PIGN: variants seen among roughly 807,000 people sequenced by gnomAD.
PIGN encodes the protein phosphatidylinositol glycan anchor biosynthesis class N.
Under a neutral mutation model 125.4 loss-of-function variants are expected in PIGN, and 117 were observed. The ratio of observed to expected loss-of-function variants is 0.93; its 90% confidence interval spans 0.80 to 1.09. The LOEUF (loss-of-function observed/expected upper bound fraction) is 1.09, where lower values mean the gene tolerates loss of function less well. Among genes scored for constraint, PIGN ranks in the 50% least tolerant of loss-of-function variants. PIGN has a pLI of 0.00. For missense variants in PIGN, 1,075 were observed against 1,094.9 expected, an observed-to-expected ratio of 0.98 and a Z score of 0.26; for synonymous variants, 392 against 377.8, an observed-to-expected ratio of 1.04 and a Z score of -0.44.
intron 7 of PIGN, chr18:62,154,123 T>C (rs1360633342): frequency 5.6e-6 from 1 of 178,892 alleles, no homozygotes; most frequent in Non-Finnish European, 1.2e-5. Flanking sequence ...TCTGCTTATC[T>C]AATTTTTCTT....
At chr18:62,036,208 T>G (rs546634174), downstream of PIGN, among the ~76,000 whole-genome samples, 17 of 151,850 alleles carry the variant, frequency 1.1e-4, no homozygotes, top group South Asian at 8.3e-4. Flanking sequence ...GGAAGATGAG[T>G]TTTTTTTCTT....
At chr18:62,039,730 T>G (rs79148702), downstream of PIGN, among the ~76,000 whole-genome samples, 9 of 38,224 alleles carry the variant, frequency 2.4e-4, no homozygotes, top group Admixed American at 2.6e-4. Context: ...GTGCCGCACA[T>G]CATGTTTAGG....
chr18:62,107,355 G>A (rs766066943), intron 17 of PIGN: 3 of 346,836 alleles, frequency 8.6e-6, no homozygotes, highest in African/African-American at 2.1e-5. Flanking sequence ...AGCACTTTGG[G>A]AGGCTGAAGA....
intron 1 of PIGN, among the ~76,000 whole-genome samples, chr18:62,163,989 A>G (rs1249661068): frequency 1.3e-5 from 2 of 152,186 alleles, no homozygotes; most frequent in Non-Finnish European, 2.9e-5. Flanking sequence ...AGTTTCATCC[A>G]TGTTGTAGCA....
chr18:62,074,963 T>C (rs2033096109), intron 28 of PIGN, 142 bp from the exon 29 acceptor site: 2 of 584,900 alleles, frequency 3.4e-6, no homozygotes. Flanking sequence ...AAGGTTCTTT[T>C]CATATTATCA....
chr18:62,020,550 C>T (rs1191383030), intron 23 of PIGN, among the ~76,000 whole-genome samples: 5 of 150,770 alleles, frequency 3.3e-5, no homozygotes, highest in African/African-American at 9.8e-5. Flanking sequence ...AGACTCTTCA[C>T]CAAAGAACAT....
intron 10 of PIGN, among the ~76,000 whole-genome samples, chr18:62,145,486 A>T (rs892224823): frequency 5.3e-5 from 8 of 152,192 alleles, no homozygotes; most frequent in South Asian, 2.1e-4. Context: ...TATCTAATAG[A>T]AATATCTTGT....
At chr18:62,039,215 T>A (rs907425540), downstream of PIGN, among the ~76,000 whole-genome samples, 12 of 152,178 alleles carry the variant, frequency 7.9e-5, no homozygotes, top group African/African-American at 2.4e-4. Flanking sequence ...TTTTAAATAA[T>A]CTTGTTATTT....
Position 62,018,097 on chromosome 18 carries a change from T to C in PIGN, c.2143-356A>G, listed in dbSNP as rs1282109908. On this transcript the variant is annotated intron_variant, in intron 23 of 24. Coordinates refer to the PIGN transcript ENST00000639600. Reference sequence around the variant, plus strand: ...GATAGCTAAAAGCTCAAAAGACCAATTCAGAACTGCATGGGAACTAACAGG... The same window carrying C: ...GATAGCTAAAAGCTCAAAAGACCAACTCAGAACTGCATGGGAACTAACAGG... Among the ~76,000 whole-genome samples, 5 of 152,148 alleles carry C rather than the reference T, an allele frequency of 3.3e-5. No homozygotes were observed. The South Asian group carries it at 6.2e-4, about 19-fold the overall frequency.
At chr18:62,122,794 A>G (rs566976253) in intron 14 of PIGN, among the ~76,000 whole-genome samples, 20 of 152,332 alleles carry the variant, frequency 1.3e-4, no homozygotes, top group Middle Eastern at 3.4e-3. Flanking sequence ...AAGAGTTTAG[A>G]TTCCTTCCAG....
intron 14 of PIGN, among the ~76,000 whole-genome samples, chr18:62,125,202 GTATA>G (rs956932104): frequency 1.3e-5 from 2 of 149,760 alleles, no homozygotes; most frequent in African/African-American, 4.9e-5. Flanking sequence ...GTACATATGT[GTATA>G]TAAATATACA....
chr18:62,117,088 G>A (rs1046700772), intron 14 of PIGN, among the ~76,000 whole-genome samples: 1 of 152,002 alleles, frequency 6.6e-6, no homozygotes, highest in Non-Finnish European at 1.5e-5. Flanking sequence ...ACATGCCAAA[G>A]GTAGACATAT....
intron 30 of PIGN, among the ~76,000 whole-genome samples, chr18:62,054,152 G>A (rs2031539150): frequency 6.6e-6 from 1 of 152,136 alleles, no homozygotes; most frequent in East Asian, 1.9e-4. Flanking sequence ...CCCTGAAAGA[G>A]TGTAAACCAT....
chr18:62,085,994 G>T lies in PIGN; in HGVS notation c.2371-730C>A, dbSNP rs114986733. Among the ~76,000 whole-genome samples, 147 of 152,286 alleles carry T rather than the reference G, an allele frequency of 9.7e-4. 1 individual carries two copies. Among genetic ancestry groups the T allele is most frequent in the African/African-American group, 3.4e-3 (143 of 41,560 alleles). ...CATGACAATTTTCAGTGAAAAAGAG[G>T]CATTTGAGTTGGTGAGCTGAGCCTT... On this transcript the variant is annotated intron_variant, in intron 25 of 30. Coordinates refer to ENST00000640252, the MANE Select transcript of PIGN (RefSeq NM_176787.5).
chr18:62,123,644 TAA>T (rs2035394149), intron 14 of PIGN: 1 of 152,136 alleles, frequency 6.6e-6, no homozygotes, highest in African/African-American at 2.4e-5. Context: ...ATTAAGATAA[TAA>T]GAGTCTGATA....
chr18:62,112,326 G>T (rs1352129137), intron 16 of PIGN, among the ~76,000 whole-genome samples: 1 of 152,088 alleles, frequency 6.6e-6, no homozygotes, highest in Non-Finnish European at 1.5e-5. Context: ...GGAAATATCT[G>T]CAGACTATTA....
intron 4 of PIGN, among the ~76,000 whole-genome samples, chr18:62,158,502 T>G (rs530374628): frequency 4.1e-4 from 62 of 152,334 alleles, no homozygotes; most frequent in Non-Finnish European, 7.1e-4. Context: ...AAAAAGATTA[T>G]TTTGCTAAAA....
chr18:62,069,016 C>A (rs1392335562), intron 30 of PIGN, among the ~76,000 whole-genome samples: 1 of 152,216 alleles, frequency 6.6e-6, no homozygotes, highest in African/African-American at 2.4e-5. Context: ...CCTCCTCCAG[C>A]CTTATGCTTC....
rs2033089538 is a variant in PIGN, at chr18:62,074,834, A to G, written c.2577-13T>C. ...AATGAGAAAAAGGCTGGAAAAAAAA[A>G]GAAGGAAAAATTACATCTAATACAA... On this transcript the variant is annotated splice_polypyrimidine_tract_variant and intron_variant, in intron 28 of 30. Transcript: ENST00000640252. 2.5e-6 allele frequency: 4 copies of G among 1,594,932 alleles called. No homozygotes were observed. Among genetic ancestry groups the G allele is most frequent in the Middle Eastern group, 1.7e-4 (1 of 6,020 alleles).
Sources: allele counts gnomAD v4.1 joint callset (sites outside exome capture counted in the v4.1 genomes callset), GRCh38; gene constraint gnomAD v4.1.1; transcripts MANE v1.5; gene names NCBI Gene and HGNC (gene_info 2026-07-23, HGNC 2026-07-21).